PREX2: variants seen among roughly 807,000 people sequenced by gnomAD.
PREX2 encodes the protein phosphatidylinositol 3,4,5-trisphosphate-dependent Rac exchanger 2 protein.
PREX2 carries 107 observed loss-of-function variants against 203.2 expected under a neutral mutation model. The observed-to-expected ratio is 0.53, with a 90% CI of 0.45 to 0.62. The LOEUF is 0.62. PREX2 is among the 20% of genes least tolerant of loss of function. PREX2 has a pLI of 0.00. For missense variants in PREX2, 1,777 were observed against 1,955.9 expected (o/e 0.91, Z 1.72); for synonymous variants, 672 against 663.6 (o/e 1.01, Z -0.19).
intron 7 of PREX2, among the ~76,000 whole-genome samples, chr8:68,041,422 G>T (rs1021354721): frequency 6.6e-6 from 1 of 152,088 alleles, no homozygotes; most frequent in Non-Finnish European, 1.5e-5. Flanking sequence ...TGTAGTATTA[G>T]AATTCCCTAG....
rs147354879 is a variant in PREX2 at position 68,127,742 on chromosome 8, T to A, written c.3766+323T>A. On this transcript the variant is annotated intron_variant, in intron 31 of 39. Transcript: ENST00000288368. Reference sequence around the variant, plus strand: ...GTAGGTTTTGCTAAAGTTAATTGTGTCTAAATTTTGTTTATGAGCAAGAAT... The same window carrying A: ...GTAGGTTTTGCTAAAGTTAATTGTGACTAAATTTTGTTTATGAGCAAGAAT... Among the ~76,000 whole-genome samples, 71 of 152,208 alleles carry A rather than the reference T, an allele frequency of 4.7e-4. No homozygotes were observed. The East Asian group carries it at 0.013, about 29-fold the overall frequency.
chr8:68,102,868 G>A (rs1363405029), intron 23 of PREX2: 2 of 518,322 alleles, frequency 3.9e-6, no homozygotes, highest in Admixed American at 3.9e-5. Context: ...AGACCTTACT[G>A]ATGACCTGGA....
In PREX2 at chr8:68,144,459, G is replaced by T. The variant is rs552258352; in HGVS notation, c.4088-1750G>T. Among the ~76,000 whole-genome samples, 79 of 152,136 alleles carry T rather than the reference G, an allele frequency of 5.2e-4. 1 individual carries two copies. The highest frequency in any genetic ancestry group is 9.9e-4 in the Non-Finnish European group (67 of 68,000). On this transcript the variant is annotated intron_variant, in intron 33 of 39. Transcript: ENST00000288368. ...TTTTGGGGAGGTGCTAATATAAATGGTATTATGTTGTTAATTTCAAATTCC... is the reference window on the plus strand; with the variant it reads ...TTTTGGGGAGGTGCTAATATAAATGTTATTATGTTGTTAATTTCAAATTCC...
intron 1 of PREX2, among the ~76,000 whole-genome samples, chr8:68,006,317 C>A (rs987563816): frequency 3.3e-5 from 5 of 152,212 alleles, no homozygotes; most frequent in Admixed American, 3.3e-4. Context: ...TAACCTGTCT[C>A]AACAGTGTAC....
rs765984166 is a variant in PREX2 at position 68,055,873 on chromosome 8, T to C, written c.1137T>C (p.Ser379=). 3 of 1,613,518 alleles carry C rather than the reference T, an allele frequency of 1.9e-6. No individual in the cohort carries two copies. Among genetic ancestry groups the C allele is most frequent in the Admixed American group, 3.3e-5 (2 of 59,956 alleles). ...GMEQDTWVMI[S]EQGEKLYKMM... The stretch of plus-strand genomic sequence containing the variant: ...AGCAAGATACCTGGGTCATGATCTC[T>C]GAACAGGGTGAGAAACTTTATAAAA... Residue 379 remains serine (S), a synonymous_variant, in exon 10 of 40, where the codon TCT becomes TCC. Transcript: ENST00000288368.
At chr8:68,010,085 G>A (rs1198493345) in intron 1 of PREX2, among the ~76,000 whole-genome samples, 1 of 152,166 alleles carries the variant, frequency 6.6e-6, no homozygotes, top group Non-Finnish European at 1.5e-5. Flanking sequence ...ATCCCTATTA[G>A]CACCTTAGAG....
At chr8:68,038,015 A>G in intron 6 of PREX2, 144 bp from the exon 7 acceptor site, 1 of 809,292 alleles carries the variant, frequency 1.2e-6, no homozygotes. Flanking sequence ...CAATCAGTGT[A>G]TAACTATCTC....
At chr8:68,016,362 G>C (rs1200581286) in intron 1 of PREX2, among the ~76,000 whole-genome samples, 1 of 151,860 alleles carries the variant, frequency 6.6e-6, no homozygotes, top group Non-Finnish European at 1.5e-5. Flanking sequence ...GTATTTTATA[G>C]ACATCTCGTA....
chr8:68,038,096 A>T, intron 6 of PREX2, 63 bp from the exon 7 acceptor site: 1 of 1,532,454 alleles, frequency 6.5e-7, no homozygotes, highest in Non-Finnish European at 8.9e-7. Context: ...TAAGTCGAAA[A>T]ATAATTATTT....
chr8:68,191,127 A>G (rs1206061395), intron 35 of PREX2, among the ~76,000 whole-genome samples: 2 of 152,138 alleles, frequency 1.3e-5, no homozygotes, highest in Non-Finnish European at 2.9e-5. Flanking sequence ...AATAGTCATT[A>G]CCATATTGTA....
At chr8:68,140,644 G>T (rs1423838157) in intron 33 of PREX2, among the ~76,000 whole-genome samples, 2 of 152,094 alleles carry the variant, frequency 1.3e-5, no homozygotes. Context: ...CATTGGCTTT[G>T]AAGTCAAGAA....
intron 6 of PREX2, among the ~76,000 whole-genome samples, chr8:68,031,573 A>G (rs1418391093): frequency 2.6e-5 from 4 of 152,172 alleles, no homozygotes; most frequent in Admixed American, 1.3e-4. Flanking sequence ...AACCTCAAAC[A>G]TTGACCTTAA....
In PREX2 at chr8:68,139,796, G is replaced by T. The variant is rs539190858; in HGVS notation, c.4087+1279G>T. Among the ~76,000 whole-genome samples the T allele has an allele frequency of 2.0e-5, 3 of 152,288 alleles. No individual in the cohort carries two copies. In the South Asian group the frequency reaches 6.2e-4, roughly 32 times the overall value. ...TGAGGAAGAGAACAAGAAGCACAAA[G>T]TTAGAAATTTAGGTTATATTTATTC... is the stretch of plus-strand genomic sequence containing the variant. On this transcript the variant is annotated intron_variant, in intron 33 of 39. Coordinates refer to ENST00000288368, the MANE Select transcript of PREX2 (RefSeq NM_024870.4).
At chr8:68,176,571 A>C (rs572532068) in intron 35 of PREX2, among the ~76,000 whole-genome samples, 5 of 152,254 alleles carry the variant, frequency 3.3e-5, no homozygotes, top group Non-Finnish European at 7.4e-5. Flanking sequence ...CCTGTTTTCT[A>C]ATCTGTCCAT....
At chr8:68,046,640 T>C (rs1336713708) in intron 8 of PREX2, among the ~76,000 whole-genome samples, 3 of 152,132 alleles carry the variant, frequency 2.0e-5, no homozygotes, top group Non-Finnish European at 4.4e-5. Context: ...CTATGGAACC[T>C]CTTGACACAA....
intron 23 of PREX2, among the ~76,000 whole-genome samples, chr8:68,100,970 G>A (rs1006100527): frequency 1.3e-5 from 2 of 152,060 alleles, no homozygotes; most frequent in African/African-American, 4.8e-5. Flanking sequence ...ATTTGGGGAC[G>A]TATTTTAAAG....
chr8:67,965,471 C>A (rs1244219398), intron 1 of PREX2, among the ~76,000 whole-genome samples: 1 of 150,900 alleles, frequency 6.6e-6, no homozygotes, highest in Non-Finnish European at 1.5e-5. Context: ...GTATAATTAA[C>A]ATATGTAATT....
chr8:67,969,610 C>G (rs1451496774), intron 1 of PREX2, among the ~76,000 whole-genome samples: 2 of 152,182 alleles, frequency 1.3e-5, no homozygotes, highest in Non-Finnish European at 2.9e-5. Context: ...GTTACTCCCT[C>G]AAGTCCATTT....
At chr8:68,042,084 T>C (rs1374389924) in intron 7 of PREX2, among the ~76,000 whole-genome samples, 3 of 152,088 alleles carry the variant, frequency 2.0e-5, no homozygotes, top group Non-Finnish European at 2.9e-5. Context: ...TCCCTTCACT[T>C]AGAATACTTC....
Sources: gnomAD v4.1 joint callset for allele counts (sites outside exome capture counted in the v4.1 genomes callset) on GRCh38, gnomAD v4.1.1 for gene constraint, MANE v1.5 for transcripts, NCBI Gene and HGNC (gene_info 2026-07-23, HGNC 2026-07-21) for gene names.